ESYT3: variants seen among roughly 807,000 people sequenced by gnomAD.
The protein encoded by ESYT3 is extended synaptotagmin-3.
A neutral mutation model predicts 111.5 loss-of-function variants in ESYT3; 101 were observed. The ratio of observed to expected loss-of-function variants is 0.91; its 90% CI spans 0.77 to 1.07. ESYT3 has a LOEUF of 1.07. ESYT3 is among the 50% of genes least tolerant of loss of function. The pLI is 0.00. For missense variants in ESYT3, 1,097 were observed against 1,109.4 expected, an observed-to-expected ratio of 0.99 and a Z score of 0.16; for synonymous variants, 416 against 446.8, an observed-to-expected ratio of 0.93 and a Z score of 0.87.
Position 138,470,943 on chromosome 3 carries a change from TA to T in ESYT3, c.1658del (p.Tyr553LeufsTer23). ...GGTCCCCCTGTGCCAGATCCTCCCC[TA>T]TGCTGACCTCACTCTTGAGCAGCGC... ...LEVPLCQILP[Y>X]ADLTLEQRFQ... On this transcript the variant is annotated frameshift_variant, in exon 17 of 23. Coordinates refer to ENST00000389567, the MANE Select transcript of ESYT3 (RefSeq NM_031913.5). LOFTEE classifies it high-confidence loss of function. 6.2e-7 allele frequency: 1 copy of T among 1,614,154 alleles called. No homozygotes were observed. The highest frequency in any genetic ancestry group is 1.3e-5 in the African/African-American group (1 of 75,016).
chr3:138,458,408 G>A (rs1560227366), intron 4 of ESYT3, among the ~76,000 whole-genome samples: 1 of 152,230 alleles, frequency 6.6e-6, no homozygotes, highest in Non-Finnish European at 1.5e-5. Context: ...GGCACATCGA[G>A]GTTGTGTGGC....
intron 10 of ESYT3, among the ~76,000 whole-genome samples, chr3:138,466,596 A>G (rs2032940616): frequency 2.0e-5 from 3 of 152,152 alleles, no homozygotes; most frequent in Admixed American, 6.5e-5. Context: ...ATATAGAATT[A>G]CATTTTCCCC....
intron 20 of ESYT3, among the ~76,000 whole-genome samples, chr3:138,475,203 G>A (rs1258862455): frequency 1.3e-5 from 2 of 152,148 alleles, no homozygotes; most frequent in Non-Finnish European, 2.9e-5. Context: ...AGCCACACAA[G>A]TAAGAGATTT....
At position 138,454,382 on chromosome 3, in the gene ESYT3, TA is replaced by T. The variant is rs568566511; in HGVS notation, c.370-802del. ...GTGAAACCCTGTCTCTAACTAAAAATAAAAAAAAAATTAAAAATTAAAAAAA... is the reference window on the plus strand; with the variant it reads ...GTGAAACCCTGTCTCTAACTAAAAATAAAAAAAAATTAAAAATTAAAAAAA... On this transcript the variant is annotated intron_variant, in intron 2 of 22. Coordinates refer to ENST00000389567, the MANE Select transcript of ESYT3 (RefSeq NM_031913.5). Among the ~76,000 whole-genome samples the T allele has an allele frequency of 4.6e-3, 681 of 149,358 alleles. 2 individuals carry two copies. The highest frequency in any genetic ancestry group is 0.016 in the African/African-American group (646 of 40,708).
Position 138,469,652 on chromosome 3 carries a change from T to C in ESYT3, c.1503+148T>C, listed in dbSNP as rs188360139. ...TAGTCTTCAGAATAACCTCACAAAA[T>C]AGTTTTATAATTCAAGAATCTGAGG... On this transcript the variant is annotated intron_variant, in intron 15 of 22. Transcript: ENST00000389567. 597 of 636,376 alleles carry C rather than the reference T, an allele frequency of 9.4e-4. 2 individuals are homozygous for C. The highest frequency in any genetic ancestry group is 8.8e-3 in the African/African-American group (479 of 54,358). The allele number at this position is 636,376 out of a possible 1,614,324, so 39.4% of individuals were successfully genotyped here. A position where few individuals can be genotyped will look rare whatever the true frequency, so the allele number is the denominator to read the frequency against.
At chr3:138,456,807 A>G (rs2032302390) in intron 3 of ESYT3, among the ~76,000 whole-genome samples, 1 of 152,158 alleles carries the variant, frequency 6.6e-6, no homozygotes, top group Non-Finnish European at 1.5e-5. Flanking sequence ...CCTGGTGGCA[A>G]AAAGATTGGG....
intron 1 of ESYT3, among the ~76,000 whole-genome samples, chr3:138,438,928 G>A (rs1234751574): frequency 6.6e-6 from 1 of 152,224 alleles, no homozygotes; most frequent in Admixed American, 6.5e-5. Flanking sequence ...CTTGAACAGA[G>A]GGTTCAAGAG....
At chr3:138,444,517 T>C (rs2031395503) in intron 1 of ESYT3, among the ~76,000 whole-genome samples, 1 of 152,224 alleles carries the variant, frequency 6.6e-6, no homozygotes, top group African/African-American at 2.4e-5. Flanking sequence ...AGAAGTCCAC[T>C]GTTTCCATGG....
chr3:138,474,175 C>T (rs746253397), intron 19 of ESYT3, 46 bp from the exon 20 acceptor site: 2 of 1,584,228 alleles, frequency 1.3e-6, no homozygotes, highest in Non-Finnish European at 1.7e-6. Flanking sequence ...TGTTTGAAAA[C>T]CAGGGCCCTT....
In ESYT3 at chr3:138,454,870, T is replaced by C. The variant is rs2108608365; in HGVS notation, c.370-324T>C. The stretch of plus-strand genomic sequence containing the variant: ...TTTAAACCACAGTGTAGAATGAGAT[T>C]ATGTTTTAGCACAGAACTAAAGGGC... On this transcript the variant is annotated intron_variant, in intron 2 of 22. Transcript: ENST00000389567. Among the ~76,000 whole-genome samples the C allele has an allele frequency of 1.3e-5, 2 of 152,320 alleles. 1 individual carries two copies. Among genetic ancestry groups the C allele is most frequent in the South Asian group, 4.1e-4 (2 of 4,832 alleles).
At chr3:138,468,795 A>AT (rs2108624939) in intron 13 of ESYT3, 24 bp from the exon 14 acceptor site, 2 of 1,613,902 alleles carry the variant, frequency 1.2e-6, no homozygotes, top group African/African-American at 2.7e-5. Flanking sequence ...GTGTTGCTTT[A>AT]ACCCCGTTAT....
chr3:138,468,624 G>A, intron 12 of ESYT3, 31 bp from the exon 13 acceptor site: 1 of 1,611,042 alleles, frequency 6.2e-7, no homozygotes, highest in South Asian at 1.1e-5. Flanking sequence ...GCTGCTGGGA[G>A]TACCCAGTGA....
intron 12 of ESYT3, 38 bp from the exon 13 acceptor site, chr3:138,468,617 G>T (rs758396223): frequency 3.1e-6 from 5 of 1,607,916 alleles, no homozygotes; most frequent in Non-Finnish European, 4.3e-6. Context: ...GTGTCCTGCT[G>T]CTGGGAGTAC....
intron 17 of ESYT3, among the ~76,000 whole-genome samples, chr3:138,471,504 A>G (rs989217237): frequency 6.6e-6 from 1 of 152,004 alleles, no homozygotes; most frequent in South Asian, 2.1e-4. Context: ...TTATCTTCTC[A>G]TGTTTATATT....
chr3:138,469,156 C>A, intron 14 of ESYT3: 1 of 594,790 alleles, frequency 1.7e-6, no homozygotes, highest in Non-Finnish European at 3.0e-6. Flanking sequence ...AGATTCCACA[C>A]TGTTTTCATA....
intron 1 of ESYT3, among the ~76,000 whole-genome samples, chr3:138,438,140 T>G (rs1038958358): frequency 1.6e-4 from 25 of 152,252 alleles, no homozygotes; most frequent in African/African-American, 6.0e-4. Flanking sequence ...CATGGATGAA[T>G]GGATCTCTTC....
intron 7 of ESYT3, among the ~76,000 whole-genome samples, chr3:138,461,712 G>C (rs933674031): frequency 6.6e-6 from 1 of 152,224 alleles, no homozygotes; most frequent in African/African-American, 2.4e-5. Context: ...GGTTAGAGGT[G>C]AGGATGCTGA....
At chr3:138,475,350 T>C (rs2033430617) in intron 20 of ESYT3, among the ~76,000 whole-genome samples, 1 of 152,202 alleles carries the variant, frequency 6.6e-6, no homozygotes, top group South Asian at 2.1e-4. Context: ...ACTTTGACTT[T>C]TGTGACAAAC....
At chr3:138,481,185 C>A (rs1015728508), downstream of ESYT3, 1 of 152,178 alleles carries the variant, frequency 6.6e-6, no homozygotes, top group East Asian at 1.9e-4. Flanking sequence ...TCATAACACG[C>A]AAAGAGCACT....
Sources: gnomAD v4.1 joint callset for allele counts (sites outside exome capture counted in the v4.1 genomes callset) on GRCh38, gnomAD v4.1.1 for gene constraint, MANE v1.5 for transcripts, NCBI Gene and HGNC (gene_info 2026-07-23, HGNC 2026-07-21) for gene names.